The following RTN4IP1 variants were observed in gnomAD, a reference collection of about 807,000 sequenced individuals.
RTN4IP1 encodes the protein NAD(P)H oxidoreductase RTN4IP1, mitochondrial.
In RTN4IP1, 32 loss-of-function variants were observed where a neutral mutation model predicts 46.6. The ratio of observed to expected loss-of-function variants is 0.69; its 90% confidence interval spans 0.52 to 0.92. The LOEUF is 0.92. Ranked by LOEUF, RTN4IP1 falls within the 40% of genes least tolerant of loss-of-function variation. The pLI is 0.00. For missense variants in RTN4IP1, 424 were observed against 485.8 expected (o/e 0.87, Z 1.20); for synonymous variants, 167 against 161.8 (o/e 1.03, Z -0.24).
chr6:106,625,501 T>G (rs1386204102), intron 1 of RTN4IP1, among the ~76,000 whole-genome samples: 1 of 152,002 alleles, frequency 6.6e-6, no homozygotes, highest in Non-Finnish European at 1.5e-5. Context: ...TGCTGTGTAG[T>G]GCACTTTTGA....
At chr6:106,598,438 G>A (rs1239165231) in intron 5 of RTN4IP1, among the ~76,000 whole-genome samples, 1 of 150,314 alleles carries the variant, frequency 6.7e-6, no homozygotes, top group African/African-American at 2.4e-5. Flanking sequence ...GCATTTCTCT[G>A]ATGGCCAGTG....
chr6:106,599,443 C>G (rs1423038080), intron 5 of RTN4IP1, among the ~76,000 whole-genome samples: 1 of 117,200 alleles, frequency 8.5e-6, no homozygotes, highest in Non-Finnish European at 1.9e-5. Context: ...TTAGTGTAAC[C>G]CTTTTTGCTT....
At chr6:106,572,998 G>A (rs994492417) in intron 8 of RTN4IP1, among the ~76,000 whole-genome samples, 1 of 152,182 alleles carries the variant, frequency 6.6e-6, no homozygotes, top group East Asian at 1.9e-4. Flanking sequence ...TCTGGGCTTC[G>A]AGAATACTTG....
At chr6:106,601,406 T>G (rs971935334) in intron 5 of RTN4IP1, among the ~76,000 whole-genome samples, 1 of 152,160 alleles carries the variant, frequency 6.6e-6, no homozygotes, top group African/African-American at 2.4e-5. Flanking sequence ...CATACAAAAG[T>G]TTTTTTAATT....
intron 1 of RTN4IP1, among the ~76,000 whole-genome samples, chr6:106,624,636 C>T (rs922170554): frequency 1.9e-4 from 28 of 150,384 alleles, no homozygotes; most frequent in African/African-American, 6.8e-4. Flanking sequence ...ACACCTGGCC[C>T]ATATCTTTTT....
intron 1 of RTN4IP1, among the ~76,000 whole-genome samples, chr6:106,623,464 A>C (rs964877186): frequency 1.3e-5 from 2 of 152,140 alleles, no homozygotes; most frequent in African/African-American, 4.8e-5. Context: ...GAGATGAAAT[A>C]CTCTGTAGAA....
intron 4 of RTN4IP1, among the ~76,000 whole-genome samples, chr6:106,611,559 T>C (rs1180791845): frequency 6.6e-6 from 1 of 152,172 alleles, no homozygotes; most frequent in Admixed American, 6.5e-5. Context: ...TTTCTCAGCC[T>C]TGTGGAGGTT....
chr6:106,596,906 C>T (rs1003049006), intron 5 of RTN4IP1, among the ~76,000 whole-genome samples: 20 of 152,136 alleles, frequency 1.3e-4, no homozygotes, highest in Non-Finnish European at 2.5e-4. Flanking sequence ...AAATATGTTA[C>T]TCCATTTTTT....
intron 5 of RTN4IP1, among the ~76,000 whole-genome samples, chr6:106,596,046 T>C (rs1218556907): frequency 7.2e-6 from 1 of 139,252 alleles, no homozygotes; most frequent in African/African-American, 2.6e-5. Context: ...GTCATTATTA[T>C]TACTGAAGCT....
intron 5 of RTN4IP1, among the ~76,000 whole-genome samples, chr6:106,596,112 G>A (rs1337677434): frequency 6.6e-6 from 1 of 152,130 alleles, no homozygotes; most frequent in Non-Finnish European, 1.5e-5. Context: ...CTTTTGACAT[G>A]ACCTGACTAG....
chr6:106,584,676 AT>A (rs1399662394), intron 7 of RTN4IP1, among the ~76,000 whole-genome samples: 1 of 152,292 alleles, frequency 6.6e-6, no homozygotes, highest in East Asian at 1.9e-4. Context: ...TGAATACAAA[AT>A]GCCTCACACA....
intron 4 of RTN4IP1, among the ~76,000 whole-genome samples, chr6:106,612,670 G>A (rs11153014): frequency 3.6e-4 from 1 of 2,772 alleles, no homozygotes; most frequent in Non-Finnish European, 4.3e-3. Flanking sequence ...GCTCCACCCT[G>A]ACTCATTCCA....
Position 106,571,470 on chromosome 6 carries a change from T to C in RTN4IP1, c.*526A>G, listed in dbSNP as rs1274380089. The C allele has an allele frequency of 6.5e-6, 1 of 153,584 alleles. No individual in the cohort carries two copies. The highest frequency in any genetic ancestry group is 1.4e-5 in the Non-Finnish European group (1 of 69,146). 9.5% of individuals were successfully genotyped at this position (153,584 alleles called of 1,614,324 possible). A position where few individuals can be genotyped will look rare whatever the true frequency, so the allele number is the denominator to read the frequency against. On this transcript the variant is annotated 3_prime_UTR_variant, in exon 9 of 9. Transcript: ENST00000369063. ...ATCCCAGAACTTTGGGAGACTGACA[T>C]GGTGGATCACTTAAGCCCAGGAGTT...
Position 106,621,547 on chromosome 6 carries a change from G to A in RTN4IP1, c.427-54C>T, listed in dbSNP as rs6919395. ...TTAGAAACACAGATATTTTTTGACCGAAGCTAAGCAAGAAAGTGTTCCCTA... is the reference window on the plus strand; with the variant it reads ...TTAGAAACACAGATATTTTTTGACCAAAGCTAAGCAAGAAAGTGTTCCCTA... On this transcript the variant is annotated intron_variant, in intron 2 of 8. Transcript: ENST00000369063. 0.022 allele frequency: 33,300 copies of A among 1,506,858 alleles called. 2,724 individuals are homozygous for A. The highest frequency in any genetic ancestry group is 0.21 in the African/African-American group (14,972 of 72,784). 93.3% of individuals were successfully genotyped at this position (1,506,858 alleles called of 1,614,324 possible). A position where few individuals can be genotyped will look rare whatever the true frequency, so the allele number is the denominator to read the frequency against.
At chr6:106,609,078 A>T (rs1776157935) in intron 4 of RTN4IP1, among the ~76,000 whole-genome samples, 1 of 152,194 alleles carries the variant, frequency 6.6e-6, no homozygotes, top group African/African-American at 2.4e-5. Context: ...TTTCCCTTGA[A>T]GGACCAAGTC....
chr6:106,599,589 C>T (rs907145853), intron 5 of RTN4IP1, among the ~76,000 whole-genome samples: 2 of 151,908 alleles, frequency 1.3e-5, no homozygotes, highest in African/African-American at 4.8e-5. Context: ...ACTCAACACT[C>T]GGTTGTGGTA....
Position 106,622,074 on chromosome 6 carries a change from T to C in RTN4IP1, c.427-581A>G, listed in dbSNP as rs537854986. ...TACCCTAATTCTATATATTTTAAAG[T>C]CTTGCATTTCTTAAGTACTAAACTT... On this transcript the variant is annotated intron_variant, in intron 2 of 8. Coordinates refer to ENST00000369063, the MANE Select transcript of RTN4IP1 (RefSeq NM_032730.5). Among the ~76,000 whole-genome samples, 8 of 152,190 alleles carry C rather than the reference T, an allele frequency of 5.3e-5. No individual in the cohort carries two copies. In the South Asian group the frequency reaches 1.7e-3, roughly 32 times the overall value.
At chr6:106,619,140 G>A in intron 4 of RTN4IP1, 62 bp downstream of exon 4, 1 of 1,579,916 alleles carries the variant, frequency 6.3e-7, no homozygotes, top group Non-Finnish European at 8.7e-7. Context: ...CAAATCTACT[G>A]CAAGGAACTC....
chr6:106,623,412 G>A (rs914384494), intron 1 of RTN4IP1, among the ~76,000 whole-genome samples: 1 of 152,076 alleles, frequency 6.6e-6, no homozygotes, highest in Non-Finnish European at 1.5e-5. Flanking sequence ...AGAGGAAGAG[G>A]ATCAAGAAAA....
Sources: allele counts gnomAD v4.1 joint callset (sites outside exome capture counted in the v4.1 genomes callset), GRCh38; gene constraint gnomAD v4.1.1; transcripts MANE v1.5; gene names NCBI Gene and HGNC (gene_info 2026-07-23, HGNC 2026-07-21).